Variants in FBXL17 observed in about 807,000 individuals in gnomAD.
FBXL17 encodes F-box/LRR-repeat protein 17.
Under a neutral mutation model 66.2 loss-of-function variants are expected in FBXL17, and 22 were observed. The ratio of observed to expected loss-of-function variants is 0.33; its 90% confidence interval spans 0.24 to 0.47. The LOEUF is 0.47. Among genes scored for constraint, FBXL17 ranks in the 20% least tolerant of loss-of-function variants. The pLI is 1.00. For missense variants in FBXL17, 878 were observed against 948.2 expected (o/e 0.93, Z 0.97); for synonymous variants, 474 against 400.5 (o/e 1.18, Z -2.19).
intron 6 of FBXL17, among the ~76,000 whole-genome samples, chr5:108,155,326 G>T (rs1271220454): frequency 6.6e-6 from 1 of 152,004 alleles, no homozygotes; most frequent in African/African-American, 2.4e-5. Flanking sequence ...ACCAGCCTGA[G>T]CAACATGGTG....
intron 7 of FBXL17, among the ~76,000 whole-genome samples, chr5:107,979,133 T>C (rs1430872801): frequency 1.3e-5 from 2 of 152,234 alleles, no homozygotes; most frequent in African/African-American, 4.8e-5. Context: ...CTATAAACTT[T>C]ATGTATAAGT....
chr5:108,346,800 G>A (rs1747311757), intron 4 of FBXL17, among the ~76,000 whole-genome samples: 1 of 152,020 alleles, frequency 6.6e-6, no homozygotes, highest in Non-Finnish European at 1.5e-5. Flanking sequence ...GAGGTGTAAA[G>A]AACTCAAGTA....
At chr5:107,862,408 A>G (rs555587567) in intron 8 of FBXL17, among the ~76,000 whole-genome samples, 9 of 152,286 alleles carry the variant, frequency 5.9e-5, no homozygotes, top group African/African-American at 2.2e-4. Flanking sequence ...CATGGCTGGC[A>G]GGTCAGAGAT....
intron 7 of FBXL17, among the ~76,000 whole-genome samples, chr5:107,945,992 A>G (rs1219443602): frequency 6.6e-6 from 1 of 151,934 alleles, no homozygotes; most frequent in East Asian, 1.9e-4. Context: ...ATTCCAGTGC[A>G]TTGAAATAGA....
At chr5:108,121,108 T>C (rs1750476315) in intron 6 of FBXL17, among the ~76,000 whole-genome samples, 1 of 152,156 alleles carries the variant, frequency 6.6e-6, no homozygotes, top group Non-Finnish European at 1.5e-5. Context: ...GGTGGGCAGA[T>C]CATAAGGTCA....
chr5:108,164,597 GATA>G (rs1271081270), intron 6 of FBXL17, among the ~76,000 whole-genome samples: 3 of 151,846 alleles, frequency 2.0e-5, no homozygotes, highest in African/African-American at 4.8e-5. Flanking sequence ...CTCACTGACT[GATA>G]ATAATAATAA....
At chr5:108,069,572 T>C (rs1421923528) in intron 6 of FBXL17, among the ~76,000 whole-genome samples, 9 of 152,130 alleles carry the variant, frequency 5.9e-5, no homozygotes, top group Non-Finnish European at 1.0e-4. Flanking sequence ...ACAAAGGAAA[T>C]TATACTCATT....
chr5:108,122,292 T>G (rs1050388636), intron 6 of FBXL17, among the ~76,000 whole-genome samples: 2 of 152,212 alleles, frequency 1.3e-5, no homozygotes, highest in Non-Finnish European at 2.9e-5. Flanking sequence ...TTAAATAACA[T>G]GCTGTTAGGT....
chr5:108,042,404 A>G (rs977054131), intron 6 of FBXL17, among the ~76,000 whole-genome samples: 1 of 151,722 alleles, frequency 6.6e-6, no homozygotes, highest in Non-Finnish European at 1.5e-5. Context: ...TCTATATCCC[A>G]CCCATTTTCC....
intron 4 of FBXL17, among the ~76,000 whole-genome samples, chr5:108,300,367 T>C (rs1758533415): frequency 6.6e-6 from 1 of 151,896 alleles, no homozygotes; most frequent in Non-Finnish European, 1.5e-5. Context: ...AGTGGCCCAA[T>C]TTAGAAACAA....
intron 6 of FBXL17, among the ~76,000 whole-genome samples, chr5:108,046,400 T>C (rs192662944): frequency 2.0e-4 from 31 of 152,328 alleles, no homozygotes; most frequent in African/African-American, 7.0e-4. Flanking sequence ...ACTCTGTAAA[T>C]CTGTATCTTT....
chr5:108,111,612 C>G lies in FBXL17; in HGVS notation c.1745+74505G>C, dbSNP rs377328229. Among the ~76,000 whole-genome samples the G allele has an allele frequency of 3.0e-4, 46 of 152,292 alleles. No individual in the cohort carries two copies. The South Asian group carries it at 8.9e-3, about 29-fold the overall frequency. On this transcript the variant is annotated intron_variant, in intron 6 of 8. Coordinates refer to ENST00000542267, the MANE Select transcript of FBXL17 (RefSeq NM_001163315.3). Reference sequence around the variant, plus strand: ...AGTTACATGCTACATCCTGCAAACACAAAGTTTCTAAGACCTTCTGATCTC... The same window carrying G: ...AGTTACATGCTACATCCTGCAAACAGAAAGTTTCTAAGACCTTCTGATCTC...
At chr5:107,869,363 A>G (rs1363376525) in intron 8 of FBXL17, among the ~76,000 whole-genome samples, 1 of 152,164 alleles carries the variant, frequency 6.6e-6, no homozygotes, top group Non-Finnish European at 1.5e-5. Flanking sequence ...GCATATTCAA[A>G]CGGACCTTAA....
intron 7 of FBXL17, among the ~76,000 whole-genome samples, chr5:107,996,599 C>T (rs1286944177): frequency 2.6e-5 from 4 of 152,184 alleles, no homozygotes; most frequent in Non-Finnish European, 5.9e-5. Flanking sequence ...CAGGCATGAG[C>T]CACAACGCCT....
intron 7 of FBXL17, among the ~76,000 whole-genome samples, chr5:107,943,547 CT>C (rs5870290): frequency 0.16 from 23,030 of 144,612 alleles, 2,075 homozygotes; most frequent in African/African-American, 0.26. Context: ...AGAACCTCAT[CT>C]TTTTTTTTTT....
At chr5:108,095,240 T>A (rs1279017791) in intron 6 of FBXL17, among the ~76,000 whole-genome samples, 1 of 148,134 alleles carries the variant, frequency 6.8e-6, no homozygotes, top group East Asian at 2.0e-4. Context: ...ATAAATACCA[T>A]CAAATGGTTA....
intron 4 of FBXL17, among the ~76,000 whole-genome samples, chr5:108,271,748 A>T (rs1185032139): frequency 6.6e-6 from 1 of 152,206 alleles, no homozygotes; most frequent in African/African-American, 2.4e-5. Flanking sequence ...GCTTTCATCT[A>T]GTTGGAAAAA....
intron 4 of FBXL17, among the ~76,000 whole-genome samples, chr5:108,236,261 C>A: frequency 6.6e-6 from 1 of 151,252 alleles, no homozygotes; most frequent in Admixed American, 6.6e-5. Flanking sequence ...CCTGTAATCC[C>A]AGCACTTTGG....
chr5:108,080,180 T>C (rs1748708729), intron 6 of FBXL17, among the ~76,000 whole-genome samples: 2 of 152,146 alleles, frequency 1.3e-5, no homozygotes, highest in African/African-American at 4.8e-5. Flanking sequence ...CCAGATAAAT[T>C]TACCTTACAG....
Sources: gnomAD v4.1 joint callset for allele counts (sites outside exome capture counted in the v4.1 genomes callset) on GRCh38, gnomAD v4.1.1 for gene constraint, MANE v1.5 for transcripts, NCBI Gene and HGNC (gene_info 2026-07-23, HGNC 2026-07-21) for gene names.